Variants in PRDM2 observed in about 807,000 individuals in gnomAD.
The protein encoded by PRDM2 is PR domain zinc finger protein 2.
A neutral mutation model predicts 130.0 loss-of-function variants in PRDM2; 30 were observed. That is an observed-to-expected ratio of 0.23 (90% CI 0.17 to 0.31). PRDM2 has a LOEUF of 0.31. Among genes scored for constraint, PRDM2 ranks in the 10% least tolerant of loss-of-function variants. The pLI, the probability that PRDM2 is intolerant of heterozygous loss-of-function variation, is 1.00. For missense variants in PRDM2, 2,011 were observed against 2,108.4 expected (o/e 0.95, Z 0.90); for synonymous variants, 871 against 782.4 (o/e 1.11, Z -1.89).
chr1:13,763,711 C>T (rs1283234054), intron 6 of PRDM2, among the ~76,000 whole-genome samples: 3 of 152,076 alleles, frequency 2.0e-5, no homozygotes, highest in Non-Finnish European at 4.4e-5. Flanking sequence ...CTTTTGTTGG[C>T]GTCTTCTTTA....
intron 6 of PRDM2, among the ~76,000 whole-genome samples, chr1:13,752,863 A>G (rs1294304312): frequency 6.6e-6 from 1 of 152,208 alleles, no homozygotes; most frequent in Non-Finnish European, 1.5e-5. Flanking sequence ...GAATATCATC[A>G]TATCGATGAT....
Position 13,823,411 on chromosome 1 carries a change from G to C in PRDM2, c.*276G>C. 1 of 577,492 alleles carries C rather than the reference G, an allele frequency of 1.7e-6. No homozygotes were observed. The highest frequency in any genetic ancestry group is 3.1e-6 in the Non-Finnish European group (1 of 321,048). The allele number at this position is 577,492 out of a possible 1,614,324, so 35.8% of individuals were successfully genotyped here. On this transcript the variant is annotated 3_prime_UTR_variant, in exon 10 of 10. Transcript: ENST00000311066. ...TCCTTTGGGATGATACTTGGATGCAGCTCTTGGGACCGTGTTCTGCAGCCC... is the reference window on the plus strand; with the variant it reads ...TCCTTTGGGATGATACTTGGATGCACCTCTTGGGACCGTGTTCTGCAGCCC...
chr1:13,794,457 C>G, intron 8 of PRDM2, among the ~76,000 whole-genome samples: 1 of 152,136 alleles, frequency 6.6e-6, no homozygotes, highest in Non-Finnish European at 1.5e-5. Flanking sequence ...TAGAATGGAG[C>G]CTGGCATGTA....
intron 8 of PRDM2, chr1:13,783,186 C>G (rs545278076): frequency 1.9e-6 from 1 of 525,780 alleles, no homozygotes; most frequent in East Asian, 5.2e-5. Context: ...TCTTATTTTC[C>G]GATCATAGAA....
Position 13,782,299 on chromosome 1 carries a change from C to A in PRDM2, c.4504C>A (p.Pro1502Thr). Residue 1502 changes from proline (P) to threonine (T), a missense_variant, in exon 8 of 10, where the codon CCT becomes ACT. Around this residue, in one of 5 missense-constraint regions of PRDM2, gnomAD observed 410 missense variants for 395.9 expected, o/e 1.04. Coordinates refer to ENST00000311066, the MANE Select transcript of PRDM2 (RefSeq NM_001393986.1). ...ATCTAAGAAAGGTGGACACTCATCACCTGCAAGTAGTGACAAAAACAGTAA... is the reference window on the plus strand; with the variant it reads ...ATCTAAGAAAGGTGGACACTCATCAACTGCAAGTAGTGACAAAAACAGTAA... ...HSSKKGGHSSPASSDKNSNSN... is the reference protein window; with the variant it reads ...HSSKKGGHSSTASSDKNSNSN... The A allele has an allele frequency of 6.2e-7, 1 of 1,614,058 alleles. No individual in the cohort carries two copies. The highest frequency in any genetic ancestry group is 2.2e-5 in the East Asian group (1 of 44,886).
chr1:13,700,761 A>G (rs537819621), intron 1 of PRDM2, among the ~76,000 whole-genome samples: 7 of 151,950 alleles, frequency 4.6e-5, no homozygotes, highest in East Asian at 1.9e-4. Context: ...TTGCACTCCA[A>G]ATTTGTTTTG....
chr1:13,798,307 A>G (rs1169625478), intron 8 of PRDM2, among the ~76,000 whole-genome samples: 2 of 152,336 alleles, frequency 1.3e-5, no homozygotes, highest in South Asian at 2.1e-4. Flanking sequence ...TGTTGGGGCA[A>G]TTAACTGCTG....
At chr1:13,757,376 C>G (rs1643981929) in intron 6 of PRDM2, among the ~76,000 whole-genome samples, 1 of 152,030 alleles carries the variant, frequency 6.6e-6, no homozygotes, top group South Asian at 2.1e-4. Flanking sequence ...GTTTTGAAAC[C>G]AAAAGAGCAC....
At chr1:13,765,776 A>G (rs924430583) in intron 6 of PRDM2, among the ~76,000 whole-genome samples, 1 of 152,148 alleles carries the variant, frequency 6.6e-6, no homozygotes, top group Admixed American at 6.5e-5. Flanking sequence ...GCACTTGGCC[A>G]TTCTTAAGAT....
chr1:13,721,142 T>A (rs978938518), intron 2 of PRDM2, among the ~76,000 whole-genome samples: 15 of 152,240 alleles, frequency 9.9e-5, no homozygotes, highest in Admixed American at 2.6e-4. Flanking sequence ...TGTCTCATTT[T>A]GGTCTTTATA....
At chr1:13,728,914 C>G (rs1166130984) in intron 2 of PRDM2, among the ~76,000 whole-genome samples, 2 of 151,880 alleles carry the variant, frequency 1.3e-5, no homozygotes, top group Non-Finnish European at 2.9e-5. Context: ...TAAGCACCAT[C>G]TCCTGCTGAC....
At chr1:13,821,154 C>T (rs762310264) in intron 9 of PRDM2, among the ~76,000 whole-genome samples, 1 of 142,858 alleles carries the variant, frequency 7.0e-6, no homozygotes, top group Admixed American at 6.8e-5. Context: ...CACGCATCTG[C>T]GAAATGGGTT....
intron 2 of PRDM2, among the ~76,000 whole-genome samples, chr1:13,715,991 C>A (rs1414379540): frequency 6.6e-6 from 1 of 152,110 alleles, no homozygotes; most frequent in Non-Finnish European, 1.5e-5. Flanking sequence ...TTAAAAGACA[C>A]ATGCACACGT....
intron 9 of PRDM2, among the ~76,000 whole-genome samples, chr1:13,819,455 T>C (rs948882636): frequency 9.9e-5 from 15 of 152,236 alleles, no homozygotes; most frequent in Non-Finnish European, 2.2e-4. Context: ...GGCTCCAAAC[T>C]CAGCAGTTTC....
intron 7 of PRDM2, among the ~76,000 whole-genome samples, chr1:13,775,128 A>G (rs776902380): frequency 1.3e-5 from 2 of 152,252 alleles, no homozygotes; most frequent in Non-Finnish European, 2.9e-5. Context: ...TTGTGCTCCC[A>G]AACCTCCCTT....
rs1643832261 is a variant in PRDM2, at chr1:13,751,353, C to T, written c.511+1866C>T. On this transcript the variant is annotated intron_variant, in intron 6 of 9. Transcript: ENST00000311066. ...TTAAAAGACTTATGTTTATGCAGAG[C>T]TCTCTGTTGGAACTTACAGTCTGTT... Among the ~76,000 whole-genome samples, 3 of 152,146 alleles carry T rather than the reference C, an allele frequency of 2.0e-5. No homozygotes were observed. In the South Asian group the frequency reaches 6.2e-4, roughly 32 times the overall value.
intron 1 of PRDM2, among the ~76,000 whole-genome samples, chr1:13,710,913 C>T (rs558957783): frequency 6.6e-6 from 1 of 152,094 alleles, no homozygotes; most frequent in African/African-American, 2.4e-5. Context: ...AGTGAAACTC[C>T]GTCTCTACTA....
intron 8 of PRDM2, among the ~76,000 whole-genome samples, chr1:13,798,699 G>A (rs529314940): frequency 2.0e-4 from 30 of 152,208 alleles, no homozygotes; most frequent in African/African-American, 7.0e-4. Flanking sequence ...CCTGAAAATA[G>A]GGTCACCCTT....
intron 1 of PRDM2, among the ~76,000 whole-genome samples, chr1:13,713,613 A>G (rs1205987601): frequency 1.3e-5 from 2 of 152,214 alleles, no homozygotes; most frequent in Admixed American, 6.5e-5. Context: ...TTTTATTACA[A>G]CATTTGCATT....
Sources: allele counts gnomAD v4.1 joint callset (sites outside exome capture counted in the v4.1 genomes callset), GRCh38; gene constraint gnomAD v4.1.1; regional missense constraint gnomAD v4.1.1; transcripts MANE v1.5; gene names NCBI Gene and HGNC (gene_info 2026-07-23, HGNC 2026-07-21).